The following CTNNA3 variants were observed in gnomAD, a reference collection of about 807,000 sequenced individuals.
The protein encoded by CTNNA3 is catenin alpha-3.
CTNNA3 carries 76 observed loss-of-function variants against 95.7 expected under a neutral mutation model. That is an observed-to-expected ratio of 0.79 (90% confidence interval 0.66 to 0.96). The LOEUF (loss-of-function observed/expected upper bound fraction) is 0.96, where lower values mean the gene tolerates loss of function less well. Ranked by LOEUF, CTNNA3 falls within the 40% of genes least tolerant of loss-of-function variation. CTNNA3 has a pLI of 0.00. For missense variants in CTNNA3, 1,191 were observed against 1,089.8 expected (o/e 1.09, Z -1.31); for synonymous variants, 431 against 374.4 (o/e 1.15, Z -1.74).
chr10:67,739,889 G>A (rs1469572313), intron 1 of CTNNA3, among the ~76,000 whole-genome samples: 8 of 152,098 alleles, frequency 5.3e-5, no homozygotes, highest in Admixed American at 3.3e-4. Flanking sequence ...GAGGCATCGT[G>A]CTACCTGACT....
chr10:67,748,365 T>C (rs1245475109), intron 1 of CTNNA3, among the ~76,000 whole-genome samples: 3 of 152,018 alleles, frequency 2.0e-5, no homozygotes, highest in Non-Finnish European at 4.4e-5. Flanking sequence ...AAAGGCCAGG[T>C]CACCTACAAA....
chr10:66,984,403 T>C (rs1468632625), intron 7 of CTNNA3, among the ~76,000 whole-genome samples: 1 of 152,160 alleles, frequency 6.6e-6, no homozygotes, highest in African/African-American at 2.4e-5. Flanking sequence ...AGTTAATTTT[T>C]TCTTGCATAG....
rs567268101 is a variant in CTNNA3 at position 66,243,061 on chromosome 10, CAT to C, written c.1884+37407_1884+37408del. On this transcript the variant is annotated intron_variant, in intron 13 of 17. Coordinates refer to ENST00000433211, the MANE Select transcript of CTNNA3 (RefSeq NM_013266.4). ...GCCATCATGGGAAGGAGGGGTCAGACATATCTCATTATGCCCTCCTCCCTTTG... is the reference window on the plus strand; with the variant it reads ...GCCATCATGGGAAGGAGGGGTCAGACATCTCATTATGCCCTCCTCCCTTTG... Among the ~76,000 whole-genome samples, 374 of 152,254 alleles carry C rather than the reference CAT, an allele frequency of 2.5e-3. 1 individual carries two copies. Among genetic ancestry groups the C allele is most frequent in the Non-Finnish European group, 3.5e-3 (237 of 68,026 alleles).
chr10:67,641,141 AC>A (rs1839516763), intron 2 of CTNNA3, among the ~76,000 whole-genome samples: 1 of 152,130 alleles, frequency 6.6e-6, no homozygotes, highest in African/African-American at 2.4e-5. Flanking sequence ...TCTGCAAAGA[AC>A]TCCAACAAAT....
intron 15 of CTNNA3, among the ~76,000 whole-genome samples, chr10:66,007,018 C>T (rs1052081677): frequency 1.6e-4 from 25 of 151,938 alleles, no homozygotes; most frequent in Non-Finnish European, 2.9e-4. Flanking sequence ...TTTGGCATGC[C>T]CCCCGCACCC....
intron 1 of CTNNA3, among the ~76,000 whole-genome samples, chr10:67,731,731 G>A (rs977840642): frequency 6.7e-6 from 1 of 150,126 alleles, no homozygotes; most frequent in Non-Finnish European, 1.5e-5. Context: ...GAACCCGGGA[G>A]GTGGAGCTTG....
chr10:66,711,696 G>A (rs10997339), intron 9 of CTNNA3, among the ~76,000 whole-genome samples: 17,831 of 151,902 alleles, frequency 0.12, 1,204 homozygotes, highest in Middle Eastern at 0.19. Context: ...TTATAGGCGT[G>A]TGCCACCACA....
intron 17 of CTNNA3, among the ~76,000 whole-genome samples, chr10:65,952,044 A>AC (rs1249638381): frequency 6.6e-6 from 1 of 151,914 alleles, no homozygotes; most frequent in African/African-American, 2.4e-5. Context: ...AAAAAAAAAA[A>AC]AAAAATCCCT....
At chr10:67,348,941 T>C (rs1842535737) in intron 5 of CTNNA3, among the ~76,000 whole-genome samples, 1 of 152,158 alleles carries the variant, frequency 6.6e-6, no homozygotes. Context: ...TATGTCACAG[T>C]ATCTATGTGA....
At chr10:67,433,476 T>C (rs1846187035) in intron 5 of CTNNA3, among the ~76,000 whole-genome samples, 1 of 151,848 alleles carries the variant, frequency 6.6e-6, no homozygotes, top group Non-Finnish European at 1.5e-5. Context: ...GTTGGGAAAA[T>C]GGAGCTGATA....
intron 13 of CTNNA3, among the ~76,000 whole-genome samples, chr10:66,200,490 G>A (rs542866102): frequency 2.0e-4 from 30 of 152,206 alleles, no homozygotes; most frequent in African/African-American, 6.5e-4. Context: ...GTACTGAAGC[G>A]GTTTGAATAA....
intron 7 of CTNNA3, among the ~76,000 whole-genome samples, chr10:67,168,652 A>G (rs1042052762): frequency 2.6e-5 from 4 of 152,230 alleles, no homozygotes; most frequent in African/African-American, 9.6e-5. Context: ...AGAGCCATCT[A>G]TGACAAACCT....
intron 1 of CTNNA3, among the ~76,000 whole-genome samples, chr10:67,666,788 G>T (rs1423476025): frequency 6.6e-6 from 1 of 152,046 alleles, no homozygotes; most frequent in African/African-American, 2.4e-5. Flanking sequence ...GACTTTTAGA[G>T]CCCAGATTAA....
chr10:66,151,302 T>G (rs1036717539), intron 13 of CTNNA3, among the ~76,000 whole-genome samples: 2 of 151,976 alleles, frequency 1.3e-5, no homozygotes, highest in African/African-American at 4.8e-5. Context: ...AGATAAAGTT[T>G]TCACGAAGAA....
chr10:67,669,955 C>T (rs1589554213), intron 1 of CTNNA3, among the ~76,000 whole-genome samples: 1 of 152,176 alleles, frequency 6.6e-6, no homozygotes, highest in African/African-American at 2.4e-5. Context: ...ATGTTTAGAG[C>T]TTCTTCCAAA....
At chr10:66,428,473 T>C (rs202158069) in intron 11 of CTNNA3, among the ~76,000 whole-genome samples, 2,482 of 151,954 alleles carry the variant, frequency 0.016, 178 homozygotes, top group Admixed American at 0.12. Flanking sequence ...CCACACCACA[T>C]CTATTCCAAA....
intron 5 of CTNNA3, among the ~76,000 whole-genome samples, chr10:67,385,553 T>C (rs1844121575): frequency 6.6e-6 from 1 of 152,210 alleles, no homozygotes; most frequent in African/African-American, 2.4e-5. Flanking sequence ...TGCACCACTG[T>C]TACCTTTGAT....
At chr10:67,097,819 G>T in intron 7 of CTNNA3, 5 of 1,605,604 alleles carry the variant, frequency 3.1e-6, no homozygotes, top group Non-Finnish European at 4.3e-6. Context: ...GTAGCCAGGG[G>T]TTGCTACCAA....
At chr10:66,397,424 CCT>C (rs1463674302) in intron 11 of CTNNA3, among the ~76,000 whole-genome samples, 3 of 151,680 alleles carry the variant, frequency 2.0e-5, no homozygotes, top group Admixed American at 1.3e-4. Context: ...GTATTGTTTT[CCT>C]CTCTCTCTTT....
Sources: allele counts gnomAD v4.1 joint callset (sites outside exome capture counted in the v4.1 genomes callset), GRCh38; gene constraint gnomAD v4.1.1; transcripts MANE v1.5; gene names NCBI Gene and HGNC (gene_info 2026-07-23, HGNC 2026-07-21).